GPC3: variants seen among roughly 807,000 people sequenced by gnomAD.
GPC3 encodes the protein glypican-3.
GPC3 carries 3 observed loss-of-function variants against 34.4 expected under a neutral mutation model. The ratio of observed to expected loss-of-function variants is 0.09; its 90% CI spans 0.04 to 0.23. The LOEUF is 0.23. Ranked by LOEUF, GPC3 falls within the 10% of genes least tolerant of loss-of-function variation. The probability of loss-of-function intolerance (pLI) is 1.00; values close to 1 mark genes in which losing one functional copy is unlikely to be tolerated. For missense variants in GPC3, 351 were observed against 445.6 expected (o/e 0.79, Z 1.91); for synonymous variants, 177 against 174.0 (o/e 1.02, Z -0.13).
rs1257494037 is a variant in GPC3 at position 133,878,340 on chromosome X, T to C, written c.337+74710A>G. On this transcript the variant is annotated intron_variant, in intron 2 of 7. Transcript: ENST00000370818. ...TACTTGGGAGGCCGAGGCAGGAGAA[T>C]TGCTTGAACCTGGGAAACGGAGGTT... is the stretch of plus-strand genomic sequence containing the variant. Among the ~76,000 whole-genome samples the C allele has an allele frequency of 3.6e-5, 4 of 110,800 alleles. No individual in the cohort carries two copies. In the East Asian group the frequency reaches 1.1e-3, roughly 31 times the overall value.
At chrX:133,794,980 C>T (rs747950692) in intron 2 of GPC3, among the ~76,000 whole-genome samples, 7 of 112,055 alleles carry the variant, frequency 6.2e-5, no homozygotes, top group Non-Finnish European at 1.1e-4. Flanking sequence ...AGGGTCAGGA[C>T]TGTGTCTTTC....
intron 3 of GPC3, among the ~76,000 whole-genome samples, chrX:133,742,432 G>A (rs897156332): frequency 9.0e-6 from 1 of 111,594 alleles, no homozygotes; most frequent in African/African-American, 3.3e-5. Flanking sequence ...TCAGTAATGT[G>A]TATATGTTGC....
At chrX:133,931,638 T>C (rs2076298685) in intron 2 of GPC3, among the ~76,000 whole-genome samples, 2 of 111,949 alleles carry the variant, frequency 1.8e-5, no homozygotes, top group Admixed American at 1.9e-4. Context: ...ATTAAAACCC[T>C]CTAGCATAGT....
At chrX:133,759,079 T>C (rs766539409) in intron 2 of GPC3, among the ~76,000 whole-genome samples, 110 of 111,441 alleles carry the variant, frequency 9.9e-4, no homozygotes, top group African/African-American at 3.4e-3. Flanking sequence ...ATAAAAGGTG[T>C]ACAGATTGGG....
chrX:133,652,366 A>G (rs1446304939), intron 6 of GPC3, among the ~76,000 whole-genome samples: 1 of 111,241 alleles, frequency 9.0e-6, no homozygotes, highest in Non-Finnish European at 1.9e-5. Flanking sequence ...CAGAACAGAT[A>G]TTACTCTCAG....
intron 5 of GPC3, among the ~76,000 whole-genome samples, chrX:133,677,856 C>T (rs563342184): frequency 2.7e-5 from 3 of 111,391 alleles, no homozygotes; most frequent in African/African-American, 9.8e-5. Flanking sequence ...GGGCAGGGAA[C>T]AAGGAAAGGA....
chrX:133,677,294 C>T (rs1334938667), intron 5 of GPC3, among the ~76,000 whole-genome samples: 1 of 111,382 alleles, frequency 9.0e-6, no homozygotes, highest in Non-Finnish European at 1.9e-5. Flanking sequence ...GGGTTCCTTT[C>T]GAATCACTTT....
chrX:133,593,193 T>C (rs2069870536), intron 7 of GPC3, among the ~76,000 whole-genome samples: 1 of 107,326 alleles, frequency 9.3e-6, no homozygotes, highest in African/African-American at 3.4e-5. Flanking sequence ...CTGGGCGTGG[T>C]TGTGTGCACC....
chrX:133,762,088 A>G (rs1173550620), intron 2 of GPC3, among the ~76,000 whole-genome samples: 2 of 112,373 alleles, frequency 1.8e-5, no homozygotes, highest in East Asian at 5.6e-4. Flanking sequence ...ACAAATAGGT[A>G]GGTAAATAAA....
chrX:133,714,170 C>G (rs1233132377), intron 3 of GPC3, among the ~76,000 whole-genome samples: 1 of 111,761 alleles, frequency 8.9e-6, no homozygotes, highest in Non-Finnish European at 1.9e-5. Flanking sequence ...GGACACAGTT[C>G]TTCTTCCAAC....
intron 2 of GPC3, among the ~76,000 whole-genome samples, chrX:133,896,908 T>C (rs2076116436): frequency 1.1e-5 from 1 of 89,957 alleles, no homozygotes; most frequent in Non-Finnish European, 2.3e-5. Flanking sequence ...TCTGTGACCT[T>C]TTTTTTTTTT....
At chrX:133,939,918 A>G (rs1349162392) in intron 2 of GPC3, among the ~76,000 whole-genome samples, 2 of 111,482 alleles carry the variant, frequency 1.8e-5, no homozygotes, top group African/African-American at 6.5e-5. Flanking sequence ...ATACCAGACA[A>G]TTTCCCCTGA....
chrX:133,782,863 T>C (rs1196542276), intron 2 of GPC3, among the ~76,000 whole-genome samples: 1 of 111,339 alleles, frequency 9.0e-6, no homozygotes, highest in Non-Finnish European at 1.9e-5. Flanking sequence ...GCCACAAGAA[T>C]AGGTATTACA....
At chrX:133,767,266 A>G (rs5977910) in intron 2 of GPC3, among the ~76,000 whole-genome samples, 1 of 110,837 alleles carries the variant, frequency 9.0e-6, no homozygotes, top group Non-Finnish European at 1.9e-5. Context: ...ATGCAAAAAT[A>G]TGAATGATTC....
intron 2 of GPC3, among the ~76,000 whole-genome samples, chrX:133,862,121 C>A (rs1353632276): frequency 9.2e-6 from 1 of 108,876 alleles, no homozygotes; most frequent in Non-Finnish European, 1.9e-5. Context: ...TTACTGTCTA[C>A]TCTACTCTTG....
intron 2 of GPC3, among the ~76,000 whole-genome samples, chrX:133,869,913 C>A (rs150494763): frequency 8.9e-6 from 1 of 112,264 alleles, no homozygotes; most frequent in Non-Finnish European, 1.9e-5. Context: ...CGAGATCACG[C>A]CTCTGCACTC....
intron 6 of GPC3, among the ~76,000 whole-genome samples, chrX:133,610,638 G>A (rs187821008): frequency 1.0e-4 from 11 of 105,122 alleles, no homozygotes; most frequent in South Asian, 9.0e-4. Context: ...AATTCTTCTG[G>A]ATACAGCTAT....
chrX:133,781,718 G>A (rs1191676017), intron 2 of GPC3, among the ~76,000 whole-genome samples: 1 of 111,410 alleles, frequency 9.0e-6, no homozygotes, highest in Admixed American at 9.5e-5. Context: ...AAAGCCTGCA[G>A]TTGCAATGGC....
At chrX:133,844,865 T>C (rs2075840829) in intron 2 of GPC3, among the ~76,000 whole-genome samples, 1 of 111,942 alleles carries the variant, frequency 8.9e-6, no homozygotes, top group African/African-American at 3.2e-5. Flanking sequence ...CCCTACCATG[T>C]TTAGTTCAAA....
Sources: gnomAD v4.1 joint callset for allele counts (sites outside exome capture counted in the v4.1 genomes callset) on GRCh38, gnomAD v4.1.1 for gene constraint, MANE v1.5 for transcripts, NCBI Gene and HGNC (gene_info 2026-07-23, HGNC 2026-07-21) for gene names.